The following PPARGC1B variants were observed in gnomAD, a reference collection of about 807,000 sequenced individuals.
PPARGC1B encodes peroxisome proliferator-activated receptor gamma coactivator 1-beta.
Under a neutral mutation model 101.6 loss-of-function variants are expected in PPARGC1B, and 34 were observed. The ratio of observed to expected loss-of-function variants is 0.33; its 90% CI spans 0.25 to 0.45. The LOEUF (loss-of-function observed/expected upper bound fraction) is 0.45. PPARGC1B is among the 20% of genes least tolerant of loss of function. PPARGC1B has a pLI of 1.00. For missense variants in PPARGC1B, 1,234 were observed against 1,317.6 expected (o/e 0.94, Z 0.98); for synonymous variants, 548 against 539.3 (o/e 1.02, Z -0.22).
intron 9 of PPARGC1B, among the ~76,000 whole-genome samples, chr5:149,840,321 G>A (rs1759283078): frequency 6.6e-6 from 1 of 152,220 alleles, no homozygotes; most frequent in Non-Finnish European, 1.5e-5. Context: ...GGCATCAAAG[G>A]TGGCACCATG....
chr5:149,746,489 C>G (rs1400543409), intron 1 of PPARGC1B, among the ~76,000 whole-genome samples: 1 of 152,170 alleles, frequency 6.6e-6, no homozygotes, highest in Non-Finnish European at 1.5e-5. Context: ...TTTTGCTTAT[C>G]CATTCATTTG....
chr5:149,812,847 C>G (rs1023227265), intron 1 of PPARGC1B, among the ~76,000 whole-genome samples: 10 of 152,270 alleles, frequency 6.6e-5, no homozygotes, highest in African/African-American at 2.4e-4. Context: ...CCCTGGATTG[C>G]CTGGGGGTAA....
chr5:149,829,854 G>T (rs1413406161), intron 3 of PPARGC1B, among the ~76,000 whole-genome samples: 1 of 151,654 alleles, frequency 6.6e-6, no homozygotes, highest in Non-Finnish European at 1.5e-5. Flanking sequence ...TGGCCAACAT[G>T]GTAAAACCCC....
At chr5:149,846,218 C>T (rs1759549826) in intron 11 of PPARGC1B, 1 of 562,508 alleles carries the variant, frequency 1.8e-6, no homozygotes, top group Admixed American at 3.2e-5. Context: ...CTACGGTCTC[C>T]TTGACTTCAC....
chr5:149,830,037 AAAAAAAAAAAAAAAAAAG>A (rs1342888239), intron 3 of PPARGC1B, among the ~76,000 whole-genome samples: 1,918 of 127,520 alleles, frequency 0.015, 25 homozygotes, highest in Non-Finnish European at 0.024. Context: ...TCTCAAAAAA[AAAAAAAAAAAAAAAAAAG>A]AAAAAAAAAA....
intron 1 of PPARGC1B, among the ~76,000 whole-genome samples, chr5:149,742,261 T>C (rs1754937901): frequency 6.6e-6 from 1 of 152,164 alleles, no homozygotes; most frequent in African/African-American, 2.4e-5. Context: ...GGCCCCGCCA[T>C]GAAGTGTCTG....
chr5:149,777,891 A>G (rs1367085961), intron 1 of PPARGC1B, among the ~76,000 whole-genome samples: 1 of 96,598 alleles, frequency 1.0e-5, no homozygotes, highest in Non-Finnish European at 1.9e-5. Context: ...ACACACACAC[A>G]GAGTACCCGG....
chr5:149,824,614 G>A (rs560766420), intron 2 of PPARGC1B, among the ~76,000 whole-genome samples: 69 of 152,286 alleles, frequency 4.5e-4, no homozygotes, highest in African/African-American at 1.5e-3. Flanking sequence ...AAGAGTGGTC[G>A]CTGAGGCCCA....
intron 3 of PPARGC1B, 110 bp downstream of exon 3, chr5:149,826,995 A>G: frequency 2.4e-6 from 2 of 835,214 alleles, no homozygotes; most frequent in Non-Finnish European, 1.9e-6. Flanking sequence ...GACTCCGTGC[A>G]TCACTGGCAA....
rs151338666 is a variant in PPARGC1B, at chr5:149,832,789, G to A, written c.716G>A (p.Ser239Asn). 987 of 1,613,120 alleles carry A rather than the reference G, an allele frequency of 6.1e-4. 4 individuals are homozygous for A. In the Middle Eastern group the frequency reaches 0.02, roughly 32 times the overall value. ...DRGLQPPCLQ[S>N]PRLPAKEDKE... ...GGTCTGCAGCCACCATGCCTCCAGA[G>A]TCCCCGGCTCCCTGCCAAGGAGGAC... is the stretch of plus-strand genomic sequence containing the variant. Residue 239 changes from serine (S) to asparagine (N), a missense_variant, in exon 5 of 12, where the codon AGT (serine) becomes AAT (asparagine). Ser to Asn is a conservative substitution (Grantham distance 46). Transcript: ENST00000309241. The surrounding 1 kb of genome is among the most constrained non-coding windows in gnomAD (Gnocchi z 4.9).
chr5:149,823,495 C>T (rs762547384), intron 2 of PPARGC1B, among the ~76,000 whole-genome samples: 17 of 152,142 alleles, frequency 1.1e-4, no homozygotes, highest in Non-Finnish European at 1.9e-4. Context: ...CTTGAAGGCT[C>T]GTTTTCCTCC....
chr5:149,770,571 C>T (rs1156228491), intron 1 of PPARGC1B, among the ~76,000 whole-genome samples: 1 of 152,096 alleles, frequency 6.6e-6, no homozygotes, highest in Non-Finnish European at 1.5e-5. Context: ...TAGGACCTTC[C>T]TTTTCTCCCA....
At chr5:149,758,130 A>G (rs1317959120) in intron 1 of PPARGC1B, among the ~76,000 whole-genome samples, 2 of 152,226 alleles carry the variant, frequency 1.3e-5, no homozygotes, top group Non-Finnish European at 2.9e-5. Flanking sequence ...GGGTCTGACC[A>G]TGTGAGGGCA....
chr5:149,802,314 A>G (rs1254819728), intron 1 of PPARGC1B, among the ~76,000 whole-genome samples: 4 of 151,924 alleles, frequency 2.6e-5, no homozygotes, highest in Non-Finnish European at 4.4e-5. Context: ...GCAGCACTCA[A>G]TTTGCGACGT....
At chr5:149,816,036 G>A (rs73796275) in intron 1 of PPARGC1B, among the ~76,000 whole-genome samples, 1,584 of 152,136 alleles carry the variant, frequency 0.01, 25 homozygotes, top group African/African-American at 0.036. Context: ...AGGGCCTGTG[G>A]AAGCCTCCCG....
intron 1 of PPARGC1B, among the ~76,000 whole-genome samples, chr5:149,804,920 A>C (rs1039560503): frequency 2.0e-5 from 3 of 152,152 alleles, no homozygotes; most frequent in Non-Finnish European, 4.4e-5. Context: ...CTCCAGCTGC[A>C]CTCGGCCCCT....
At chr5:149,790,385 C>T (rs1300746709) in intron 1 of PPARGC1B, among the ~76,000 whole-genome samples, 2 of 152,006 alleles carry the variant, frequency 1.3e-5, no homozygotes, top group African/African-American at 2.4e-5. Flanking sequence ...ACTTAATCTC[C>T]CTGGGGTGTG....
Position 149,840,127 on chromosome 5 carries a change from T to C in PPARGC1B, c.2694+11T>C, listed in dbSNP as rs1277763326. 3.7e-6 allele frequency: 6 copies of C among 1,608,274 alleles called. No homozygotes were observed. Among genetic ancestry groups the C allele is most frequent in the South Asian group, 2.2e-5 (2 of 90,034 alleles). On this transcript the variant is annotated intron_variant, in intron 9 of 11. Coordinates refer to ENST00000309241, the MANE Select transcript of PPARGC1B (RefSeq NM_133263.4). ...CGGGAAAAGGCCATTGTAAGTGATCTGGGGGCCCAGAGCCTGGAGTGAATG... is the reference window on the plus strand; with the variant it reads ...CGGGAAAAGGCCATTGTAAGTGATCCGGGGGCCCAGAGCCTGGAGTGAATG...
In PPARGC1B at chr5:149,735,668, G is replaced by A. The variant is rs548084495; in HGVS notation, c.78+5248G>A. Among the ~76,000 whole-genome samples the A allele has an allele frequency of 2.7e-4, 41 of 152,300 alleles. 1 individual carries two copies. The Middle Eastern group carries it at 0.014, about 51-fold the overall frequency. On this transcript the variant is annotated intron_variant, in intron 1 of 11. Transcript: ENST00000309241. ...ACAGTTTCAGAGAACTCACTGACTTGTGGAAGACTAATTACCTTTGAGTAA... is the reference window on the plus strand; with the variant it reads ...ACAGTTTCAGAGAACTCACTGACTTATGGAAGACTAATTACCTTTGAGTAA...
Sources: allele counts gnomAD v4.1 joint callset (sites outside exome capture counted in the v4.1 genomes callset), GRCh38; gene constraint gnomAD v4.1.1; non-coding constraint Gnocchi (gnomAD v3.1); transcripts MANE v1.5; gene names NCBI Gene and HGNC (gene_info 2026-07-23, HGNC 2026-07-21).